The following BOLL variants were observed in gnomAD, a reference collection of about 807,000 sequenced individuals.
BOLL encodes the protein protein boule-like.
BOLL carries 23 observed loss-of-function variants against 44.4 expected under a neutral mutation model. The observed-to-expected ratio is 0.52, with a 90% CI of 0.37 to 0.73. BOLL has a LOEUF of 0.73. Among genes scored for constraint, BOLL ranks in the 30% least tolerant of loss-of-function variants. The pLI is 0.00. For missense variants in BOLL, 287 were observed against 338.3 expected (o/e 0.85, Z 1.19); for synonymous variants, 97 against 110.8 (o/e 0.88, Z 0.78).
chr2:197,778,911 A>G lies in BOLL; in HGVS notation c.221+64T>C, dbSNP rs1317160850. The G allele has an allele frequency of 1.4e-5, 20 of 1,416,952 alleles. No individual in the cohort carries two copies. The East Asian group carries it at 4.2e-4, about 29-fold the overall frequency. 87.8% of individuals were successfully genotyped at this position (1,416,952 alleles called of 1,614,324 possible). On this transcript the variant is annotated intron_variant, in intron 3 of 10. Coordinates refer to ENST00000392296, the MANE Select transcript of BOLL (RefSeq NM_033030.6). Reference sequence around the variant, plus strand: ...ATGGAACCAAAGTAAACTGGCGTACAAAACCTAGTCATCCAATGAAAATAG... The same window carrying G: ...ATGGAACCAAAGTAAACTGGCGTACGAAACCTAGTCATCCAATGAAAATAG...
chr2:197,741,712 G>T (rs1401038874), intron 10 of BOLL, among the ~76,000 whole-genome samples: 1 of 151,926 alleles, frequency 6.6e-6, no homozygotes, highest in Admixed American at 6.6e-5. Context: ...AAAAACCCTA[G>T]AAGAAAACCT....
chr2:197,728,966 G>T (rs1189960502), intron 10 of BOLL, among the ~76,000 whole-genome samples: 4 of 152,314 alleles, frequency 2.6e-5, no homozygotes, highest in South Asian at 2.1e-4. Flanking sequence ...CTGTCCAGGG[G>T]AGGAGCCAAG....
At position 197,781,765 on chromosome 2, in the gene BOLL, G is replaced by T; in HGVS notation, c.86C>A (p.Thr29Lys). 1.2e-6 allele frequency: 2 copies of T among 1,604,960 alleles called. No homozygotes were observed. Among genetic ancestry groups the T allele is most frequent in the Non-Finnish European group, 1.7e-6 (2 of 1,173,766 alleles). Reference protein sequence around the residue: ...NNPTSAPRYGTVIPNRIFVGG... With the variant: ...NNPTSAPRYGKVIPNRIFVGG... ...TACAAAGATGCGATTAGGGATCACT[G>T]TTCCATATCTTGGGGCACTTGTTGG... The change falls in exon 2 of 11, where the codon ACA becomes AAA. Residue 29 changes from threonine to lysine, a missense_variant. Thr to Lys is a moderately conservative substitution (Grantham distance 78). Coordinates refer to ENST00000392296, the MANE Select transcript of BOLL (RefSeq NM_033030.6).
At chr2:197,753,019 T>A (rs1406948300) in intron 9 of BOLL, among the ~76,000 whole-genome samples, 2 of 152,194 alleles carry the variant, frequency 1.3e-5, no homozygotes, top group Non-Finnish European at 2.9e-5. Context: ...AACCATCTGA[T>A]CTTTGACAAA....
In BOLL at chr2:197,777,087, T is replaced by C. The variant is rs746350560; in HGVS notation, c.248A>G (p.Gln83Arg). ...TTGTAAAATTTTTTGTGCATCTTCT[T>C]GTGTTTCAAAAGTGACGAAACCATA... Reference protein sequence around the residue: ...KGYGFVTFETQEDAQKILQEA... With the variant: ...KGYGFVTFETREDAQKILQEA... Residue 83 changes from glutamine to arginine, a missense_variant, in exon 4 of 11, where the codon CAA (glutamine) becomes CGA (arginine). Transcript: ENST00000392296. 3.2e-6 allele frequency: 5 copies of C among 1,574,460 alleles called. No individual in the cohort carries two copies. Among genetic ancestry groups the C allele is most frequent in the Non-Finnish European group, 4.3e-6 (5 of 1,153,526 alleles).
intron 10 of BOLL, among the ~76,000 whole-genome samples, chr2:197,735,305 T>C (rs567925820): frequency 5.6e-4 from 85 of 152,176 alleles, no homozygotes; most frequent in African/African-American, 1.9e-3. Flanking sequence ...TGTCCTTAAG[T>C]TTCTAGGAAG....
At chr2:197,729,582 A>G (rs1221180643) in intron 10 of BOLL, among the ~76,000 whole-genome samples, 1 of 152,192 alleles carries the variant, frequency 6.6e-6, no homozygotes, top group African/African-American at 2.4e-5. Flanking sequence ...CTTTGAAGAG[A>G]GCAGTGGTTT....
At chr2:197,760,447 G>A (rs1219175628) in intron 7 of BOLL, among the ~76,000 whole-genome samples, 1 of 152,216 alleles carries the variant, frequency 6.6e-6, no homozygotes, top group East Asian at 1.9e-4. Context: ...TACCAGACCT[G>A]AGAAACAGCC....
At chr2:197,750,237 A>G (rs904856401) in intron 9 of BOLL, among the ~76,000 whole-genome samples, 1 of 152,140 alleles carries the variant, frequency 6.6e-6, no homozygotes, top group Middle Eastern at 3.2e-3. Context: ...AAACCGCATC[A>G]ACTAATGGGA....
chr2:197,728,243 C>A lies in BOLL; in HGVS notation c.*312G>T. ...ACAAAGCAGAGAAAATAAAAGACACCTCACTATTCCCAATGTGGTTATTAT... is the reference window on the plus strand; with the variant it reads ...ACAAAGCAGAGAAAATAAAAGACACATCACTATTCCCAATGTGGTTATTAT... On this transcript the variant is annotated 3_prime_UTR_variant, in exon 11 of 11. Transcript: ENST00000392296. The A allele has an allele frequency of 2.4e-6, 1 of 414,750 alleles. No individual in the cohort carries two copies. Among genetic ancestry groups the A allele is most frequent in the Non-Finnish European group, 4.2e-6 (1 of 235,512 alleles). The allele number at this position is 414,750 out of a possible 1,614,324, so 25.7% of individuals were successfully genotyped here.
chr2:197,778,268 T>G (rs1188003146), intron 3 of BOLL, among the ~76,000 whole-genome samples: 1 of 151,978 alleles, frequency 6.6e-6, no homozygotes, highest in Non-Finnish European at 1.5e-5. Context: ...CCTTTTCTTA[T>G]GCCTATAAAT....
upstream of BOLL, chr2:197,786,028 C>G (rs772196117): frequency 6.2e-7 from 1 of 1,609,728 alleles, no homozygotes; most frequent in South Asian, 1.1e-5. The surrounding 1 kb of genome is among the most constrained non-coding windows in gnomAD (Gnocchi z 5.9). Flanking sequence ...TTCAGAGACG[C>G]GGGGTAGGGA....
intron 9 of BOLL, 87 bp downstream of exon 9, chr2:197,756,341 G>T: frequency 8.2e-7 from 1 of 1,217,368 alleles, no homozygotes; most frequent in Non-Finnish European, 1.1e-6. Context: ...TTTCAATGAG[G>T]GTCGTGAACA....
rs758251827 is a variant in BOLL at position 197,728,475 on chromosome 2, T to G, written c.*80A>C. On this transcript the variant is annotated 3_prime_UTR_variant, in exon 11 of 11. Transcript: ENST00000392296. ...TTCACAACGGGCAGCTTCTAGCTGG[T>G]TCGTTGAAGCTGGATCTCGGCCACG... 4.0e-5 allele frequency: 65 copies of G among 1,608,952 alleles called. No individual in the cohort carries two copies. The highest frequency in any genetic ancestry group is 5.3e-5 in the Non-Finnish European group (62 of 1,175,490).
intron 6 of BOLL, among the ~76,000 whole-genome samples, chr2:197,770,222 C>T (rs1003616062): frequency 3.3e-5 from 5 of 152,020 alleles, no homozygotes; most frequent in African/African-American, 1.2e-4. Flanking sequence ...ATTTGACAAA[C>T]CTGACAAAAA....
chr2:197,734,046 T>G (rs1389088065), intron 10 of BOLL, among the ~76,000 whole-genome samples: 88 of 150,422 alleles, frequency 5.9e-4, no homozygotes, highest in African/African-American at 2.0e-3. Flanking sequence ...TGGGAGAAAA[T>G]TTTTGCAACC....
intron 5 of BOLL, chr2:197,773,905 G>A: frequency 5.8e-6 from 2 of 342,278 alleles, no homozygotes; most frequent in Non-Finnish European, 1.2e-5. Flanking sequence ...GTGGTTAGTT[G>A]GGACTCGGGT....
intron 9 of BOLL, among the ~76,000 whole-genome samples, chr2:197,748,637 A>G (rs1688095905): frequency 6.6e-6 from 1 of 152,234 alleles, no homozygotes; most frequent in African/African-American, 2.4e-5. Flanking sequence ...GACTGGGCAG[A>G]ACCCACCTCA....
intron 9 of BOLL, among the ~76,000 whole-genome samples, chr2:197,750,060 G>A (rs1035745797): frequency 2.6e-5 from 4 of 152,144 alleles, no homozygotes; most frequent in African/African-American, 9.7e-5. Context: ...CTTTATAAGT[G>A]AAGGAGAAAT....
Sources: allele counts gnomAD v4.1 joint callset (sites outside exome capture counted in the v4.1 genomes callset), GRCh38; gene constraint gnomAD v4.1.1; non-coding constraint Gnocchi (gnomAD v3.1); transcripts MANE v1.5; gene names NCBI Gene and HGNC (gene_info 2026-07-23, HGNC 2026-07-21).